The following PARD3B variants were observed in gnomAD, a reference collection of about 807,000 sequenced individuals.
The protein encoded by PARD3B is partitioning defective 3 homolog B.
PARD3B carries 103 observed loss-of-function variants against 130.2 expected under a neutral mutation model. The ratio of observed to expected loss-of-function variants is 0.79; its 90% CI spans 0.67 to 0.93. PARD3B has a LOEUF of 0.93. Ranked by LOEUF, PARD3B falls within the 40% of genes least tolerant of loss-of-function variation. The pLI, the probability that PARD3B is intolerant of heterozygous loss-of-function variation, is 0.00. For synonymous variants in PARD3B, 583 were observed against 553.2 expected (o/e 1.05, Z -0.76); for missense variants, 1,609 against 1,499.2 (o/e 1.07, Z -1.21).
intron 18 of PARD3B, among the ~76,000 whole-genome samples, chr2:205,392,369 A>G (rs1039187487): frequency 2.6e-5 from 4 of 152,226 alleles, no homozygotes; most frequent in African/African-American, 9.6e-5. Flanking sequence ...AATGAGTGAC[A>G]ACCCAGAGAA....
chr2:205,213,007 C>T (rs560523113), intron 15 of PARD3B, among the ~76,000 whole-genome samples: 1 of 152,196 alleles, frequency 6.6e-6, no homozygotes, highest in Admixed American at 6.5e-5. Flanking sequence ...TATAAGATAT[C>T]TCAGCTAGTA....
At chr2:205,194,076 A>G (rs57128422) in intron 15 of PARD3B, among the ~76,000 whole-genome samples, 3,988 of 152,274 alleles carry the variant, frequency 0.026, 167 homozygotes, top group African/African-American at 0.089. Flanking sequence ...CCATTAGAGA[A>G]AAGTATGGAT....
At chr2:205,475,569 T>G (rs1382766434) in intron 20 of PARD3B, among the ~76,000 whole-genome samples, 1 of 152,180 alleles carries the variant, frequency 6.6e-6, no homozygotes, top group Non-Finnish European at 1.5e-5. Context: ...TTCAGGAAGA[T>G]CATTTGCCAA....
chr2:205,421,325 T>C lies in PARD3B; in HGVS notation c.2742-19045T>C, dbSNP rs2046965474. Among the ~76,000 whole-genome samples the C allele has an allele frequency of 6.6e-6, 1 of 152,212 alleles. No individual in the cohort carries two copies. The highest frequency in any genetic ancestry group is 1.5e-5 in the Non-Finnish European group (1 of 68,038). ...GGACCAGTTTGTGTGGTGCTGTGCCTACACAATGCAGGCACATTGCAATGT... is the reference window on the plus strand; with the variant it reads ...GGACCAGTTTGTGTGGTGCTGTGCCCACACAATGCAGGCACATTGCAATGT... On this transcript the variant is annotated intron_variant, in intron 19 of 22. Transcript: ENST00000406610. This position sits in a 1 kb window ranked among gnomAD's most constrained non-coding sequence, Gnocchi z 5.1.
chr2:204,961,495 C>G (rs1174425604), intron 2 of PARD3B, among the ~76,000 whole-genome samples: 1 of 152,030 alleles, frequency 6.6e-6, no homozygotes, highest in African/African-American at 2.4e-5. Flanking sequence ...GTCACTTTTT[C>G]CATTTTTGAC....
intron 22 of PARD3B, among the ~76,000 whole-genome samples, chr2:205,614,491 G>T (rs1404744970): frequency 2.6e-5 from 4 of 152,048 alleles, no homozygotes; most frequent in African/African-American, 9.7e-5. Flanking sequence ...ATCACCTAAG[G>T]TCAGGAGATT....
intron 16 of PARD3B, among the ~76,000 whole-genome samples, chr2:205,252,710 A>C (rs2039901398): frequency 6.6e-6 from 1 of 152,094 alleles, no homozygotes; most frequent in South Asian, 2.1e-4. Context: ...AGATTAGACC[A>C]TACAGACTCA....
At chr2:205,151,867 A>G (rs1207358285) in intron 10 of PARD3B, among the ~76,000 whole-genome samples, 4 of 152,178 alleles carry the variant, frequency 2.6e-5, no homozygotes, top group Non-Finnish European at 5.9e-5. Flanking sequence ...GATGGTCTTT[A>G]CAATTTAGCA....
intron 1 of PARD3B, among the ~76,000 whole-genome samples, chr2:204,557,434 T>C (rs1406947623): frequency 6.6e-6 from 1 of 152,210 alleles, no homozygotes; most frequent in Non-Finnish European, 1.5e-5. Context: ...TTTCCTTTGA[T>C]GCTTTGAAGT....
At chr2:205,141,931 G>A (rs757459570) in intron 10 of PARD3B, among the ~76,000 whole-genome samples, 3 of 152,164 alleles carry the variant, frequency 2.0e-5, no homozygotes, top group Admixed American at 6.5e-5. Context: ...AGAAATAACT[G>A]CAGGAGCACT....
chr2:205,452,520 T>A (rs1276702617), intron 20 of PARD3B, among the ~76,000 whole-genome samples: 1 of 152,062 alleles, frequency 6.6e-6, no homozygotes, highest in African/African-American at 2.4e-5. Flanking sequence ...AGCAATCAGA[T>A]TTTTTTTCTT....
chr2:205,603,607 C>T (rs1484382299), intron 22 of PARD3B, among the ~76,000 whole-genome samples: 1 of 152,088 alleles, frequency 6.6e-6, no homozygotes, highest in Non-Finnish European at 1.5e-5. Flanking sequence ...TTATGTAATA[C>T]TCTTCTTTGT....
intron 12 of PARD3B, among the ~76,000 whole-genome samples, chr2:205,175,974 T>C (rs1258848241): frequency 6.6e-6 from 1 of 152,206 alleles, no homozygotes; most frequent in Non-Finnish European, 1.5e-5. Context: ...ACCTAGTATC[T>C]GCACAGAGAC....
chr2:205,122,075 G>C lies in PARD3B; in HGVS notation c.1165+126G>C. ...TAATTGTATCAAAGAATAGATTTAA[G>C]TGTATACTTAGGTAACTTAAATTTC... On this transcript the variant is annotated intron_variant, in intron 8 of 22. Transcript: ENST00000406610. This position sits in a 1 kb window ranked among gnomAD's most constrained non-coding sequence, Gnocchi z 4.3. 3 of 835,268 alleles carry C rather than the reference G, an allele frequency of 3.6e-6. No homozygotes were observed. The South Asian group carries it at 5.6e-5, about 16-fold the overall frequency. The allele number at this position is 835,268 out of a possible 1,614,324, so 51.7% of individuals were successfully genotyped here.
At chr2:205,573,066 C>T (rs901828707) in intron 22 of PARD3B, among the ~76,000 whole-genome samples, 3 of 152,072 alleles carry the variant, frequency 2.0e-5, no homozygotes, top group Non-Finnish European at 4.4e-5. Context: ...CTTATAAAAC[C>T]ATCAGATCTC....
intron 1 of PARD3B, among the ~76,000 whole-genome samples, chr2:204,579,244 C>T (rs963684130): frequency 6.6e-6 from 1 of 152,028 alleles, no homozygotes; most frequent in African/African-American, 2.4e-5. Flanking sequence ...CTCATTTAAT[C>T]CTTGCAGCAA....
intron 1 of PARD3B, among the ~76,000 whole-genome samples, chr2:204,625,102 A>G (rs2034441929): frequency 6.6e-6 from 1 of 151,960 alleles, no homozygotes; most frequent in Non-Finnish European, 1.5e-5. Context: ...AGGTATTTTT[A>G]TATTCTAGAT....
At position 205,241,132 on chromosome 2, in the gene PARD3B, A is replaced by T. The variant is rs2039334170; in HGVS notation, c.2141-4646A>T. 6.6e-6 allele frequency among the ~76,000 whole-genome samples: 1 copy of T among 152,204 alleles called. No homozygotes were observed. The highest frequency in any genetic ancestry group is 1.5e-5 in the Non-Finnish European group (1 of 68,012). On this transcript the variant is annotated intron_variant, in intron 15 of 22. Coordinates refer to ENST00000406610, the MANE Select transcript of PARD3B (RefSeq NM_001302769.2). This position sits in a 1 kb window ranked among gnomAD's most constrained non-coding sequence, Gnocchi z 4.2. ...TTAGCTTCAAAGGCTTACAACCATG[A>T]GAATTAGAAACATAGGCCATCAGGC...
At chr2:204,581,641 T>C (rs972032958) in intron 1 of PARD3B, among the ~76,000 whole-genome samples, 3 of 152,100 alleles carry the variant, frequency 2.0e-5, no homozygotes, top group Non-Finnish European at 4.4e-5. Flanking sequence ...TTTATGTGGG[T>C]TGACCATATA....
Sources: gnomAD v4.1 joint callset for allele counts (sites outside exome capture counted in the v4.1 genomes callset) on GRCh38, gnomAD v4.1.1 for gene constraint, Gnocchi (gnomAD v3.1) non-coding constraint, MANE v1.5 for transcripts, NCBI Gene and HGNC (gene_info 2026-07-23, HGNC 2026-07-21) for gene names.